Variants in CDH10 observed in about 807,000 individuals in gnomAD.
The protein encoded by CDH10 is cadherin-10.
In CDH10, 30 loss-of-function variants were observed where a neutral mutation model predicts 73.1. That is an observed-to-expected ratio of 0.41 (90% CI 0.31 to 0.56). The LOEUF (loss-of-function observed/expected upper bound fraction) is 0.56. CDH10 is among the 20% of genes least tolerant of loss of function. The pLI is 0.27. For missense variants in CDH10, 815 were observed against 973.7 expected (o/e 0.84, Z 2.17); for synonymous variants, 345 against 348.2 (o/e 0.99, Z 0.10).
At chr5:24,527,476 G>A (rs755904052) in intron 5 of CDH10, among the ~76,000 whole-genome samples, 1 of 151,490 alleles carries the variant, frequency 6.6e-6, no homozygotes, top group Non-Finnish European at 1.5e-5. Context: ...TACGTTCTGA[G>A]AAATGCATTG....
At chr5:24,580,619 C>T (rs1047546285) in intron 2 of CDH10, among the ~76,000 whole-genome samples, 2 of 152,098 alleles carry the variant, frequency 1.3e-5, no homozygotes, top group African/African-American at 4.8e-5. Context: ...CAGTATCTTC[C>T]CATGTAACAT....
chr5:24,588,586 T>C (rs1293270206), intron 2 of CDH10, among the ~76,000 whole-genome samples: 1 of 152,158 alleles, frequency 6.6e-6, no homozygotes, highest in Non-Finnish European at 1.5e-5. Context: ...GAACAGCTTC[T>C]CCTCCGACTT....
chr5:24,514,500 C>T (rs1303098897), intron 5 of CDH10, among the ~76,000 whole-genome samples: 1 of 152,038 alleles, frequency 6.6e-6, no homozygotes, highest in Non-Finnish European at 1.5e-5. Context: ...ATGATTCTAC[C>T]ACAGCACATC....
intron 5 of CDH10, among the ~76,000 whole-genome samples, chr5:24,532,906 C>T (rs919875538): frequency 6.6e-6 from 1 of 151,892 alleles, no homozygotes; most frequent in Admixed American, 6.6e-5. Flanking sequence ...GTAGAACTCC[C>T]TCCAAAGATT....
At chr5:24,601,458 A>T (rs1219365590) in intron 1 of CDH10, among the ~76,000 whole-genome samples, 2 of 152,176 alleles carry the variant, frequency 1.3e-5, no homozygotes, top group Non-Finnish European at 2.9e-5. Context: ...TAATGTCCTT[A>T]TCTAGGAGAC....
chr5:24,518,263 T>C (rs974746948), intron 5 of CDH10, among the ~76,000 whole-genome samples: 2 of 152,292 alleles, frequency 1.3e-5, no homozygotes, highest in African/African-American at 4.8e-5. Context: ...AGTGAGAGTA[T>C]AGTTGTAAAC....
intron 1 of CDH10, among the ~76,000 whole-genome samples, chr5:24,603,814 T>C (rs999964752): frequency 6.6e-6 from 1 of 152,092 alleles, no homozygotes; most frequent in East Asian, 1.9e-4. Context: ...AAACTGGTTG[T>C]CCTAGCCAAA....
chr5:24,575,387 A>T (rs1416577299), intron 2 of CDH10, among the ~76,000 whole-genome samples: 1 of 151,560 alleles, frequency 6.6e-6, no homozygotes. Flanking sequence ...AAAAAAAGAA[A>T]AGTCTCCTGC....
intron 1 of CDH10, among the ~76,000 whole-genome samples, chr5:24,636,532 G>C (rs1051827799): frequency 6.6e-6 from 1 of 151,842 alleles, no homozygotes; most frequent in South Asian, 2.1e-4. Flanking sequence ...AAACACAGTG[G>C]CTTCTATGAA....
chr5:24,554,963 C>T (rs998088400), intron 2 of CDH10, among the ~76,000 whole-genome samples: 6 of 151,974 alleles, frequency 3.9e-5, no homozygotes, highest in Non-Finnish European at 2.9e-5. Context: ...TTTTATATTA[C>T]AGATTTATTA....
At chr5:24,578,298 TAA>T in intron 2 of CDH10, 1 of 218,204 alleles carries the variant, frequency 4.6e-6, no homozygotes. Flanking sequence ...CCTTTTAAGC[TAA>T]AAAGTAATTA....
At chr5:24,624,766 T>C (rs915404126) in intron 1 of CDH10, among the ~76,000 whole-genome samples, 1 of 152,192 alleles carries the variant, frequency 6.6e-6, no homozygotes, top group African/African-American at 2.4e-5. Flanking sequence ...GGAATCCATA[T>C]GCTGAAATGC....
At chr5:24,609,732 T>C (rs1746881211) in intron 1 of CDH10, 1 of 152,322 alleles carries the variant, frequency 6.6e-6, no homozygotes, top group Non-Finnish European at 1.5e-5. Flanking sequence ...TTCCCCACAA[T>C]GTTTTGATTT....
At chr5:24,574,602 G>A (rs376007783) in intron 2 of CDH10, among the ~76,000 whole-genome samples, 23 of 151,900 alleles carry the variant, frequency 1.5e-4, no homozygotes, top group African/African-American at 4.6e-4. Flanking sequence ...ACTGAACAGT[G>A]AACAAGATAT....
intron 1 of CDH10, among the ~76,000 whole-genome samples, chr5:24,614,737 T>C (rs1747072545): frequency 6.6e-6 from 1 of 152,184 alleles, no homozygotes; most frequent in African/African-American, 2.4e-5. Flanking sequence ...AGATTAAAAT[T>C]TGATATTTGG....
chr5:24,489,174 A>G (rs1235479006), intron 11 of CDH10, among the ~76,000 whole-genome samples: 1 of 152,122 alleles, frequency 6.6e-6, no homozygotes, highest in Non-Finnish European at 1.5e-5. Context: ...AAATATTGAT[A>G]CAAGTATTTA....
chr5:24,541,522 G>A (rs1175013115), intron 2 of CDH10, among the ~76,000 whole-genome samples: 3 of 151,974 alleles, frequency 2.0e-5, no homozygotes, highest in Non-Finnish European at 4.4e-5. Flanking sequence ...TTTATTGAAC[G>A]AAAGAGTTTA....
intron 2 of CDH10, chr5:24,578,484 T>C (rs533915246): frequency 1.9e-5 from 7 of 363,366 alleles, no homozygotes; most frequent in East Asian, 1.6e-4. Context: ...TCAGAATCAC[T>C]GGATTCACCA....
Position 24,505,997 on chromosome 5 carries a change from C to A in CDH10, c.1257-749G>T, listed in dbSNP as rs567501297. ...GGTGTGGTGGCACGTGCCTGTAGTC[C>A]CAGCTACTCAGAAGGATGAAGCAGG... On this transcript the variant is annotated intron_variant, in intron 7 of 11. Coordinates refer to ENST00000264463, the MANE Select transcript of CDH10 (RefSeq NM_006727.5). Among the ~76,000 whole-genome samples the A allele has an allele frequency of 5.0e-4, 76 of 151,610 alleles. 2 individuals are homozygous for A. Among genetic ancestry groups the A allele is most frequent in the Non-Finnish European group, 4.3e-4 (29 of 67,908 alleles).
Sources: gnomAD v4.1 joint callset for allele counts (sites outside exome capture counted in the v4.1 genomes callset) on GRCh38, gnomAD v4.1.1 for gene constraint, MANE v1.5 for transcripts, NCBI Gene and HGNC (gene_info 2026-07-23, HGNC 2026-07-21) for gene names.